MTO1: variants seen among roughly 807,000 people sequenced by gnomAD.
MTO1 encodes the protein 5-taurinomethyluridine-[tRNA] synthase subunit MTO1, mitochondrial.
In MTO1, 46 loss-of-function variants were observed where a neutral mutation model predicts 71.6. The ratio of observed to expected loss-of-function variants is 0.64; its 90% CI spans 0.51 to 0.82. The LOEUF (loss-of-function observed/expected upper bound fraction) is 0.82, where lower values mean the gene tolerates loss of function less well. Among genes scored for constraint, MTO1 ranks in the 40% least tolerant of loss-of-function variants. The pLI is 0.00. For missense variants in MTO1, 773 were observed against 867.5 expected, an observed-to-expected ratio of 0.89 and a Z score of 1.37; for synonymous variants, 297 against 312.1, an observed-to-expected ratio of 0.95 and a Z score of 0.51.
At chr6:73,476,921 G>A (rs779121540) in intron 4 of MTO1, among the ~76,000 whole-genome samples, 2 of 151,582 alleles carry the variant, frequency 1.3e-5, no homozygotes, top group Non-Finnish European at 2.9e-5. Flanking sequence ...CTCAGTAGCC[G>A]GGATTACAGG....
intron 11 of MTO1, among the ~76,000 whole-genome samples, chr6:73,500,003 T>G (rs572894332): frequency 6.6e-6 from 1 of 152,284 alleles, no homozygotes; most frequent in South Asian, 2.1e-4. Context: ...GGATTTCATT[T>G]CATTTTATTT....
chr6:73,491,443 T>C (rs1209603178), intron 9 of MTO1, among the ~76,000 whole-genome samples: 5 of 151,576 alleles, frequency 3.3e-5, no homozygotes, highest in Admixed American at 3.3e-4. Context: ...TATGAACCCC[T>C]ATATCATTTT....
intron 9 of MTO1, among the ~76,000 whole-genome samples, chr6:73,490,131 G>T (rs1370896264): frequency 6.6e-6 from 1 of 152,046 alleles, no homozygotes; most frequent in East Asian, 1.9e-4. Context: ...CTTTTTGATG[G>T]GGTTGTTTGA....
At position 73,466,490 on chromosome 6, in the gene MTO1, A is replaced by C. The variant is rs1770996264; in HGVS notation, c.419A>C (p.Lys140Thr). ...DRKLYKQNMQ[K>T]EILNTPLLTV... ...TCAACTGGCATTTTCTTTTGACAGA[A>C]AGAAATCTTGAATACACCACTGCTT... Residue 140 changes from lysine (K) to threonine (T), a missense_variant and splice_region_variant, in exon 3 of 12, where the codon AAA becomes ACA. By Grantham distance (78) the Lys-to-Thr change is moderately conservative (BLOSUM62 -1). Transcript: ENST00000498286. 1 of 1,614,004 alleles carries C rather than the reference A, an allele frequency of 6.2e-7. No homozygotes were observed. The highest frequency in any genetic ancestry group is 1.3e-5 in the African/African-American group (1 of 74,944).
intron 11 of MTO1, among the ~76,000 whole-genome samples, chr6:73,498,781 G>A (rs992998960): frequency 1.3e-5 from 2 of 151,708 alleles, no homozygotes; most frequent in Non-Finnish European, 2.9e-5. Flanking sequence ...CTGGAGTGCA[G>A]TGGAACGATC....
At chr6:73,475,435 G>A (rs778285071) in intron 4 of MTO1, among the ~76,000 whole-genome samples, 23 of 150,916 alleles carry the variant, frequency 1.5e-4, no homozygotes, top group Non-Finnish European at 1.8e-4. Context: ...GGTGCCCGCC[G>A]CCATGCCCAG....
At chr6:73,478,977 C>T (rs1283364344) in intron 4 of MTO1, among the ~76,000 whole-genome samples, 1 of 150,390 alleles carries the variant, frequency 6.6e-6, no homozygotes, top group Non-Finnish European at 1.5e-5. Flanking sequence ...CAACCTCCGC[C>T]TCCCAGGTTC....
At chr6:73,465,314 C>T (rs1770952113) in intron 1 of MTO1, among the ~76,000 whole-genome samples, 1 of 151,962 alleles carries the variant, frequency 6.6e-6, no homozygotes, top group East Asian at 1.9e-4. Context: ...CAGGTGCAAA[C>T]TGCCATGCCT....
At chr6:73,494,775 CTT>C (rs532648226) in intron 10 of MTO1, among the ~76,000 whole-genome samples, 16 of 131,384 alleles carry the variant, frequency 1.2e-4, no homozygotes, top group Non-Finnish European at 1.8e-4. Flanking sequence ...TGCTCCTGGC[CTT>C]TTTTTTTTTT....
At chr6:73,481,788 C>A (rs1306325487) in intron 7 of MTO1, among the ~76,000 whole-genome samples, 1 of 152,024 alleles carries the variant, frequency 6.6e-6, no homozygotes, top group Non-Finnish European at 1.5e-5. Flanking sequence ...AAAGATTAGT[C>A]CCCGCAGAGT....
Position 73,479,764 on chromosome 6 carries a change from C to T in MTO1, c.858C>T (p.His286=). 6.2e-7 allele frequency: 1 copy of T among 1,613,764 alleles called. No homozygotes were observed. Among genetic ancestry groups the T allele is most frequent in the South Asian group, 1.1e-5 (1 of 91,022 alleles). Reference sequence around the variant, plus strand: ...ATCAGCTGCCATGTTACTTGACTCACACCAACCCTAGAGTGGATGAGATTG... The same window carrying T: ...ATCAGCTGCCATGTTACTTGACTCATACCAACCCTAGAGTGGATGAGATTG... ...PEDQLPCYLT[H]TNPRVDEIVL... The change falls in exon 5 of 12, where the codon CAC becomes CAT. Residue 286 remains histidine, a synonymous_variant. Transcript: ENST00000498286.
chr6:73,464,606 C>T (rs1770921371), intron 1 of MTO1, among the ~76,000 whole-genome samples: 1 of 151,044 alleles, frequency 6.6e-6, no homozygotes, highest in Non-Finnish European at 1.5e-5. Flanking sequence ...ATGGAGGAAC[C>T]CTGTCTCTAT....
intron 10 of MTO1, among the ~76,000 whole-genome samples, chr6:73,497,170 T>TTTTTTTTTTTTTG (rs398001974): frequency 1.4e-5 from 2 of 140,322 alleles, no homozygotes; most frequent in African/African-American, 2.6e-5. Flanking sequence ...TTTTTTTTTT[T>TTTTTTTTTTTTTG]GAGACAGAGT....
At chr6:73,493,928 A>T (rs1424548359) in intron 10 of MTO1, among the ~76,000 whole-genome samples, 1 of 151,932 alleles carries the variant, frequency 6.6e-6, no homozygotes, top group Admixed American at 6.6e-5. Context: ...TCATAATGAA[A>T]ATTTTTATTA....
At position 73,461,916 on chromosome 6, in the gene MTO1, C is replaced by T. The variant is rs1358637753; in HGVS notation, c.62C>T (p.Pro21Leu). 1.2e-6 allele frequency: 2 copies of T among 1,614,218 alleles called. No individual in the cohort carries two copies. Among genetic ancestry groups the T allele is most frequent in the East Asian group, 2.2e-5 (1 of 44,884 alleles). Reference sequence around the variant, plus strand: ...GTTTCCTTCACCAAGCAGCAATTTCCGTTGGCACGGTTGAGCAGTGACAGC... The same window carrying T: ...GTTTCCTTCACCAAGCAGCAATTTCTGTTGGCACGGTTGAGCAGTGACAGC... ...VAVSFTKQQFPLARLSSDSAA... is the reference protein window; with the variant it reads ...VAVSFTKQQFLLARLSSDSAA... Residue 21 changes from proline to leucine, a missense_variant, in exon 1 of 12, where the codon CCG becomes CTG. Pro to Leu is a moderately conservative substitution (Grantham distance 98, BLOSUM62 -3). Transcript: ENST00000498286.
chr6:73,492,849 G>C (rs983579260), intron 10 of MTO1: 1 of 151,738 alleles, frequency 6.6e-6, no homozygotes, highest in Non-Finnish European at 1.5e-5. Flanking sequence ...CAGACCCTCA[G>C]GCTTCACCTC....
intron 9 of MTO1, among the ~76,000 whole-genome samples, chr6:73,487,162 G>T (rs1047102020): frequency 1.2e-4 from 18 of 150,628 alleles, no homozygotes; most frequent in Non-Finnish European, 2.5e-4. Context: ...CTATGAACAT[G>T]GGTATACAAA....
At chr6:73,465,925 A>G (rs912006272) in intron 1 of MTO1, among the ~76,000 whole-genome samples, 4 of 152,152 alleles carry the variant, frequency 2.6e-5, no homozygotes, top group Admixed American at 2.0e-4. Flanking sequence ...CAGAGGTTGC[A>G]GTGAGCCGAG....
chr6:73,492,559 C>CT, intron 10 of MTO1: 1 of 414,870 alleles, frequency 2.4e-6, no homozygotes, highest in Non-Finnish European at 4.5e-6. Flanking sequence ...CTTATAATCC[C>CT]AGCACTTTGG....
Sources: allele counts gnomAD v4.1 joint callset (sites outside exome capture counted in the v4.1 genomes callset), GRCh38; gene constraint gnomAD v4.1.1; transcripts MANE v1.5; gene names NCBI Gene and HGNC (gene_info 2026-07-23, HGNC 2026-07-21).